The following CMSS1 variants were observed in gnomAD, a reference collection of about 807,000 sequenced individuals.
CMSS1 encodes the protein cms1 ribosomal small subunit homolog.
CMSS1 carries 33 observed loss-of-function variants against 43.5 expected under a neutral mutation model. That is an observed-to-expected ratio of 0.76 (90% confidence interval 0.57 to 1.01). The LOEUF is 1.01. CMSS1 is among the 50% of genes least tolerant of loss of function. The pLI is 0.00. For missense variants in CMSS1, 313 were observed against 326.4 expected (o/e 0.96, Z 0.32); for synonymous variants, 115 against 117.2 (o/e 0.98, Z 0.12).
At chr3:99,824,087 T>C (rs1342138961) in intron 1 of CMSS1, among the ~76,000 whole-genome samples, 1 of 152,070 alleles carries the variant, frequency 6.6e-6, no homozygotes, top group Non-Finnish European at 1.5e-5. Flanking sequence ...CACACCCAGC[T>C]AACTTTTGTA....
intron 5 of CMSS1, 67 bp downstream of exon 5, chr3:100,166,461 G>A (rs1001715453): frequency 1.8e-6 from 2 of 1,103,948 alleles, no homozygotes; most frequent in East Asian, 2.4e-5. Context: ...GGGAATTTAG[G>A]TTTTGGTCTC....
intron 1 of CMSS1, among the ~76,000 whole-genome samples, chr3:99,820,652 C>T (rs911109687): frequency 6.6e-6 from 1 of 152,192 alleles, no homozygotes; most frequent in Non-Finnish European, 1.5e-5. Flanking sequence ...GTTTCTAATT[C>T]AAAAGAAATC....
intron 1 of CMSS1, among the ~76,000 whole-genome samples, chr3:100,113,385 ATCT>A (rs1231716017): frequency 6.6e-6 from 1 of 152,218 alleles, no homozygotes; most frequent in African/African-American, 2.4e-5. Flanking sequence ...ATATCCAGTC[ATCT>A]TCTGTGGGGT....
chr3:100,145,477 G>T (rs960608596), intron 1 of CMSS1, among the ~76,000 whole-genome samples: 2 of 151,946 alleles, frequency 1.3e-5, no homozygotes, highest in Non-Finnish European at 2.9e-5. Context: ...TATTAGTCAG[G>T]GTTCTCCAGA....
chr3:100,095,947 A>T (rs1047910215), intron 1 of CMSS1, among the ~76,000 whole-genome samples: 3 of 152,204 alleles, frequency 2.0e-5, no homozygotes, highest in Non-Finnish European at 4.4e-5. Context: ...AATCCAATTT[A>T]AAAAATAGGC....
chr3:100,093,670 A>T (rs1269731459), intron 1 of CMSS1, among the ~76,000 whole-genome samples: 1 of 152,106 alleles, frequency 6.6e-6, no homozygotes, highest in African/African-American at 2.4e-5. Flanking sequence ...AGGATCCCTC[A>T]TGTTCACCTT....
chr3:100,021,950 TGTGTGTGTGTGAGAGA>T (rs1287789201), intron 1 of CMSS1, among the ~76,000 whole-genome samples: 42 of 129,000 alleles, frequency 3.3e-4, no homozygotes, highest in Non-Finnish European at 5.2e-4. Flanking sequence ...TGTGTGTGTG[TGTGTGTGTGTGAGAGA>T]GAGAGAGAGA....
chr3:100,168,399 CAAGAA>C lies in CMSS1; in HGVS notation c.518+564_518+568del, dbSNP rs1257475193. Among the ~76,000 whole-genome samples, 5 of 152,228 alleles carry C rather than the reference CAAGAA, an allele frequency of 3.3e-5. No individual in the cohort carries two copies. The South Asian group carries it at 1.0e-3, about 32-fold the overall frequency. On this transcript the variant is annotated intron_variant, in intron 6 of 9. Transcript: ENST00000421999. Reference sequence around the variant, plus strand: ...GAAAAGATCTGACTTAAAATAGTAACAAGAAAAGACAGAAGCCGGGCACAGCAGAT... The same window carrying C: ...GAAAAGATCTGACTTAAAATAGTAACAAGACAGAAGCCGGGCACAGCAGAT...
chr3:99,938,114 G>A (rs1268538619), intron 1 of CMSS1, among the ~76,000 whole-genome samples: 2 of 152,104 alleles, frequency 1.3e-5, no homozygotes, highest in Admixed American at 1.3e-4. Context: ...CGTGCTGGGT[G>A]GGGAAGAAAT....
intron 1 of CMSS1, among the ~76,000 whole-genome samples, chr3:99,969,204 C>T (rs1394870985): frequency 6.6e-6 from 1 of 152,008 alleles, no homozygotes; most frequent in African/African-American, 2.4e-5. Context: ...CCAGGCATAT[C>T]TAAGAAGGGG....
At chr3:100,018,066 C>T (rs528886882) in intron 1 of CMSS1, among the ~76,000 whole-genome samples, 15 of 152,142 alleles carry the variant, frequency 9.9e-5, no homozygotes, top group African/African-American at 1.9e-4. Flanking sequence ...CAGGGGCTCA[C>T]GCCTGTAATC....
intron 1 of CMSS1, among the ~76,000 whole-genome samples, chr3:100,134,047 T>C (rs1381868985): frequency 6.6e-6 from 1 of 152,232 alleles, no homozygotes; most frequent in African/African-American, 2.4e-5. Context: ...ATTGTAACAC[T>C]TCTCTTCCTT....
intron 1 of CMSS1, among the ~76,000 whole-genome samples, chr3:99,929,668 G>A (rs570991478): frequency 3.3e-5 from 5 of 152,142 alleles, no homozygotes; most frequent in African/African-American, 1.2e-4. Flanking sequence ...CCTAGTGGAC[G>A]CATCCTGTCT....
chr3:99,940,537 C>G (rs578200331), intron 1 of CMSS1, among the ~76,000 whole-genome samples: 1 of 152,346 alleles, frequency 6.6e-6, no homozygotes, highest in East Asian at 1.9e-4. Flanking sequence ...TGCCTATGGT[C>G]ATGCCCTGAG....
chr3:100,011,295 G>A (rs1267014097), intron 1 of CMSS1, among the ~76,000 whole-genome samples: 1 of 152,168 alleles, frequency 6.6e-6, no homozygotes, highest in Admixed American at 6.5e-5. Flanking sequence ...CTCGACACGT[G>A]TTGATCTATT....
intron 2 of CMSS1, 135 bp downstream of exon 2, chr3:100,147,196 G>T: frequency 6.0e-6 from 5 of 837,848 alleles, no homozygotes; most frequent in East Asian, 3.3e-5. Flanking sequence ...CTTTCCCTTT[G>T]AAAAGGCCAT....
intron 1 of CMSS1, among the ~76,000 whole-genome samples, chr3:99,997,181 G>T (rs1399572022): frequency 1.3e-5 from 2 of 152,204 alleles, no homozygotes; most frequent in African/African-American, 4.8e-5. Context: ...ATGAAAAGTT[G>T]GTTCTTTGAA....
rs6804568 is a variant in CMSS1, at chr3:99,900,958, A to C, written c.64+82915A>C. ...GGGGCATGATGGTAGTAGGATCTGG[A>C]CCCTGGAGAATCCAGGAGTTGAAAC... On this transcript the variant is annotated intron_variant, in intron 1 of 9. Coordinates refer to ENST00000421999, the MANE Select transcript of CMSS1 (RefSeq NM_032359.4). Among the ~76,000 whole-genome samples, 1,410 of 152,314 alleles carry C rather than the reference A, an allele frequency of 9.3e-3. 29 individuals carry two copies. The highest frequency in any genetic ancestry group is 0.044 in the Admixed American group (677 of 15,300).
At chr3:100,171,161 C>A (rs1052159068) in intron 6 of CMSS1, among the ~76,000 whole-genome samples, 1 of 152,120 alleles carries the variant, frequency 6.6e-6, no homozygotes, top group Non-Finnish European at 1.5e-5. Flanking sequence ...TTCAGCCAGT[C>A]CTTTGTGTCA....
Sources: allele counts gnomAD v4.1 joint callset (sites outside exome capture counted in the v4.1 genomes callset), GRCh38; gene constraint gnomAD v4.1.1; transcripts MANE v1.5; gene names NCBI Gene and HGNC (gene_info 2026-07-23, HGNC 2026-07-21).